KIF7: variants seen among roughly 807,000 people sequenced by gnomAD.
KIF7 encodes kinesin family member 7.
KIF7 carries 104 observed loss-of-function variants against 135.7 expected under a neutral mutation model. The ratio of observed to expected loss-of-function variants is 0.77; its 90% CI spans 0.65 to 0.90. The LOEUF is 0.90. Among genes scored for constraint, KIF7 ranks in the 40% least tolerant of loss-of-function variants. The pLI is 0.00. For missense variants in KIF7, 2,005 were observed against 1,839.1 expected (o/e 1.09, Z -1.65); for synonymous variants, 883 against 809.4 (o/e 1.09, Z -1.54).
upstream of KIF7, among the ~76,000 whole-genome samples, chr15:89,660,411 T>C (rs1042089326): frequency 6.6e-6 from 1 of 152,182 alleles, no homozygotes; most frequent in Non-Finnish European, 1.5e-5. Flanking sequence ...GTCCAGTGGG[T>C]TATAAGCAGA....
At chr15:89,629,338 G>T in intron 17 of KIF7, 37 bp downstream of exon 17, 2 of 1,505,794 alleles carry the variant, frequency 1.3e-6, no homozygotes, top group East Asian at 2.4e-5. Flanking sequence ...GGGGATGGAG[G>T]GGGCCGGGGT....
chr15:89,647,319 C>T (rs571663220), intron 6 of KIF7, among the ~76,000 whole-genome samples: 7 of 152,310 alleles, frequency 4.6e-5, no homozygotes, highest in Non-Finnish European at 7.4e-5. Context: ...GACCTGGTGA[C>T]GCCCGGCTCC....
rs762110251 is a variant in KIF7, at chr15:89,633,752, A to C, written c.2526T>G (p.Leu842=). 3 of 1,609,986 alleles carry C rather than the reference A, an allele frequency of 1.9e-6. No homozygotes were observed. Among genetic ancestry groups the C allele is most frequent in the East Asian group, 4.5e-5 (2 of 44,890 alleles). Reference sequence around the variant, plus strand: ...GCCGCTTCTGCTCCGTCTCCTCGCGAAGCCGCCTCTGCAGCTGTCCCTGCT... The same window carrying C: ...GCCGCTTCTGCTCCGTCTCCTCGCGCAGCCGCCTCTGCAGCTGTCCCTGCT... The part of the protein sequence containing the change: ...RQQQGQLQRR[L]REETEQKRRL... The change falls in exon 12 of 19, where the codon CTT becomes CTG. Residue 842 remains leucine (L), a synonymous_variant. Transcript: ENST00000394412.
intron 7 of KIF7, 134 bp downstream of exon 7, chr15:89,646,696 G>T: frequency 1.2e-6 from 1 of 819,686 alleles, no homozygotes; most frequent in Non-Finnish European, 2.1e-6. Flanking sequence ...ACAGCTGAAA[G>T]CAGCCTCTCG....
intron 2 of KIF7, 35 bp downstream of exon 2, chr15:89,652,568 A>G: frequency 6.9e-7 from 1 of 1,448,372 alleles, no homozygotes; most frequent in Non-Finnish European, 9.3e-7. Flanking sequence ...AAGGCTCCTT[A>G]AAGTGGGCAC....
At chr15:89,619,603 A>G (rs1963391151) in intron 1 of KIF7, 2 of 1,228,720 alleles carry the variant, frequency 1.6e-6, no homozygotes, top group African/African-American at 1.5e-5. Flanking sequence ...CTGAATTTCC[A>G]TCTTATATGT....
chr15:89,649,075 C>G lies in KIF7; in HGVS notation c.822G>C (p.Gln274His). The change falls in exon 4 of 19, where the codon CAG (glutamine) becomes CAC (histidine). Residue 274 changes from glutamine (Q) to histidine (H), a missense_variant. By Grantham distance (24) the Gln-to-His change is conservative. Transcript: ENST00000394412. ...STGERLKESI[Q>H]INSSLLALGN... ...CCAGCGCCAGGAGGCTGCTGTTGAT[C>G]TGGATGCTCTCCTTGAGCCGCTCGC... The G allele has an allele frequency of 6.5e-7, 1 of 1,548,140 alleles. No individual in the cohort carries two copies. The highest frequency in any genetic ancestry group is 8.7e-7 in the Non-Finnish European group (1 of 1,146,758).
downstream of KIF7, chr15:89,625,426 G>T: frequency 6.2e-7 from 1 of 1,613,974 alleles, no homozygotes; most frequent in African/African-American, 1.3e-5. Context: ...GGGCGAGGTC[G>T]GTGCAGACCT....
In KIF7 at chr15:89,645,419, C is replaced by T. The variant is rs1411427676; in HGVS notation, c.1955G>A (p.Gly652Glu). 3 of 1,613,970 alleles carry T rather than the reference C, an allele frequency of 1.9e-6. No individual in the cohort carries two copies. Among genetic ancestry groups the T allele is most frequent in the Non-Finnish European group, 2.5e-6 (3 of 1,179,896 alleles). ...NRISNCSQRA[G>E]ARPGSLPERK... ...CTCTGGCAGACTCCCTGGGCGTGCC[C>T]CCGCCCTCTGACTGCAGTTGCTGAT... Residue 652 changes from glycine to glutamate, a missense_variant, in exon 9 of 19, where the codon GGG (glycine) becomes GAG (glutamate). Physicochemically the swap from Gly to Glu is moderately conservative, Grantham distance 98. Coordinates refer to ENST00000394412, the MANE Select transcript of KIF7 (RefSeq NM_198525.3).
chr15:89,646,981 C>T lies in KIF7; in HGVS notation c.1637G>A (p.Gly546Glu), dbSNP rs1221535786. Residue 546 changes from glycine (G) to glutamate (E), a missense_variant, in exon 7 of 19, where the codon GGG becomes GAG. Transcript: ENST00000394412. ...LRLELVRPGW[G>E]GPRLLNGLPP... is the part of the protein sequence containing the mutation. ...CAGGCCATTCAGGAGCCGCGGGCCC[C>T]CCCAGCCTGGCCGCACCAGCTCTAA... The T allele has an allele frequency of 3.1e-6, 5 of 1,613,320 alleles. No individual in the cohort carries two copies. The South Asian group carries it at 4.4e-5, about 14-fold the overall frequency.
At chr15:89,636,522 T>A (rs1963811499) in intron 11 of KIF7, among the ~76,000 whole-genome samples, 1 of 94,444 alleles carries the variant, frequency 1.1e-5, no homozygotes, top group African/African-American at 4.5e-5. Flanking sequence ...AGGCAGGGGT[T>A]GCAATCCTAG....
chr15:89,626,248 A>T (rs193186379), downstream of KIF7, among the ~76,000 whole-genome samples: 244 of 152,290 alleles, frequency 1.6e-3, 1 homozygote, highest in African/African-American at 5.6e-3. Flanking sequence ...GTGCATGTGA[A>T]CAGAAGCCCC....
chr15:89,652,077 A>C (rs1964132693), intron 2 of KIF7, among the ~76,000 whole-genome samples: 1 of 152,218 alleles, frequency 6.6e-6, no homozygotes, highest in Non-Finnish European at 1.5e-5. Context: ...GGAGCAGAGC[A>C]AGGCAGTAAC....
Position 89,631,670 on chromosome 15 carries a change from T to C in KIF7, c.2936A>G (p.Glu979Gly). The C allele has an allele frequency of 6.4e-7, 1 of 1,558,866 alleles. No homozygotes were observed. The highest frequency in any genetic ancestry group is 8.7e-7 in the Non-Finnish European group (1 of 1,150,274). The change falls in exon 15 of 19, where the codon GAG becomes GGG. Residue 979 changes from glutamate (E) to glycine (G), a missense_variant. Physicochemically the swap from Glu to Gly is moderately conservative, Grantham distance 98. Coordinates refer to ENST00000394412, the MANE Select transcript of KIF7 (RefSeq NM_198525.3). ...EDIVRVSSRL[E>G]HLEKELSEKS... ...CTCGGACAGCTCCTTCTCCAGGTGC[T>C]CCAGCCGGCTGGACACTCGCACGAT...
chr15:89,619,515 A>T (rs1193249961), intron 1 of KIF7, among the ~76,000 whole-genome samples: 2 of 151,984 alleles, frequency 1.3e-5, no homozygotes, highest in Middle Eastern at 3.2e-3. Flanking sequence ...TTTTTTTAAT[A>T]CCTTGTTGGG....
At chr15:89,641,912 C>T (rs1306213351) in intron 11 of KIF7, among the ~76,000 whole-genome samples, 1 of 152,092 alleles carries the variant, frequency 6.6e-6, no homozygotes, top group Admixed American at 6.5e-5. Context: ...AAAGGGGGAC[C>T]GGGAGACAGA....
the KIF7 span, among the ~76,000 whole-genome samples, chr15:89,662,646 G>C: frequency 6.6e-6 from 1 of 152,192 alleles, no homozygotes; most frequent in Non-Finnish European, 1.5e-5. Flanking sequence ...TTCTCTGAAG[G>C]ACCCTGGGCA....
chr15:89,633,369 A>T, intron 12 of KIF7, 103 bp from the exon 13 acceptor site: 1 of 1,446,030 alleles, frequency 6.9e-7, no homozygotes, highest in Non-Finnish European at 9.4e-7. Context: ...CACTCCCAAG[A>T]GGGCCCTGCG....
downstream of KIF7, chr15:89,626,200 G>A (rs1409450408): frequency 6.9e-6 from 6 of 869,356 alleles, no homozygotes; most frequent in South Asian, 1.9e-5. Context: ...ACAGCGTCAT[G>A]TGTGCCCTTC....
Sources: allele counts gnomAD v4.1 joint callset (sites outside exome capture counted in the v4.1 genomes callset), GRCh38; gene constraint gnomAD v4.1.1; transcripts MANE v1.5; gene names NCBI Gene and HGNC (gene_info 2026-07-23, HGNC 2026-07-21).